YAP1: variants seen among roughly 807,000 people sequenced by gnomAD.
YAP1 encodes Yes1 associated transcriptional regulator.
A neutral mutation model predicts 56.9 loss-of-function variants in YAP1; 5 were observed. The ratio of observed to expected loss-of-function variants is 0.09; its 90% CI spans 0.05 to 0.18. YAP1 has a LOEUF of 0.18. YAP1 is among the 10% of genes least tolerant of loss of function. YAP1 has a pLI of 1.00. For synonymous variants in YAP1, 265 were observed against 248.1 expected (o/e 1.07, Z -0.64); for missense variants, 539 against 651.8 (o/e 0.83, Z 1.88).
intron 4 of YAP1, among the ~76,000 whole-genome samples, chr11:102,201,420 A>G (rs957413816): frequency 6.6e-6 from 1 of 152,236 alleles, no homozygotes. Flanking sequence ...GGTAGGAGGA[A>G]GCGGGTGGGA....
intron 4 of YAP1, among the ~76,000 whole-genome samples, chr11:102,188,769 A>T (rs1198071015): frequency 6.6e-6 from 1 of 152,222 alleles, no homozygotes; most frequent in African/African-American, 2.4e-5. Context: ...CAGAATTGCC[A>T]ATGATCCATT....
intron 4 of YAP1, among the ~76,000 whole-genome samples, chr11:102,204,330 G>A (rs1331397566): frequency 6.6e-6 from 1 of 151,942 alleles, no homozygotes; most frequent in African/African-American, 2.4e-5. Flanking sequence ...CTCAACTTAT[G>A]TAGAAATGGC....
intron 6 of YAP1, among the ~76,000 whole-genome samples, chr11:102,216,112 G>A (rs933010885): frequency 2.6e-5 from 4 of 152,180 alleles, no homozygotes; most frequent in Non-Finnish European, 5.9e-5. Context: ...GATTATGAAG[G>A]AGAATGACCA....
At chr11:102,176,777 GAGT>G (rs1211544914) in intron 3 of YAP1, among the ~76,000 whole-genome samples, 26 of 84,126 alleles carry the variant, frequency 3.1e-4, no homozygotes, top group African/African-American at 1.2e-3. Context: ...AAAAAAAAAA[GAGT>G]AGAATTTCAG....
intron 2 of YAP1, among the ~76,000 whole-genome samples, chr11:102,139,430 G>T (rs760277528): frequency 6.6e-6 from 1 of 152,194 alleles, no homozygotes; most frequent in Non-Finnish European, 1.5e-5. Context: ...CCTGCAGTCT[G>T]TGTGGAGTGA....
chr11:102,224,734 A>G (rs1337900136), intron 7 of YAP1, among the ~76,000 whole-genome samples: 1 of 152,230 alleles, frequency 6.6e-6, no homozygotes, highest in Admixed American at 6.5e-5. Flanking sequence ...ACCATCTAAA[A>G]TGTATTTTAA....
chr11:102,176,214 T>A (rs1374051273), intron 3 of YAP1, among the ~76,000 whole-genome samples: 1 of 152,252 alleles, frequency 6.6e-6, no homozygotes, highest in African/African-American at 2.4e-5. Flanking sequence ...TGCAAAACTG[T>A]ACATTCCCAC....
chr11:102,147,319 T>C (rs1217507929), intron 2 of YAP1, among the ~76,000 whole-genome samples: 1 of 152,206 alleles, frequency 6.6e-6, no homozygotes, highest in Non-Finnish European at 1.5e-5. Context: ...TAGTCATCTT[T>C]AGATGTAAAT....
chr11:102,185,953 C>CCCG (rs1373419014), intron 3 of YAP1, 65 bp from the exon 4 acceptor site: 3 of 1,461,648 alleles, frequency 2.1e-6, no homozygotes, highest in East Asian at 4.9e-5. Context: ...TTAGTACCCC[C>CCCG]TCCCACTTTT....
intron 3 of YAP1, among the ~76,000 whole-genome samples, chr11:102,174,725 G>A (rs943263750): frequency 6.6e-6 from 1 of 152,150 alleles, no homozygotes; most frequent in African/African-American, 2.4e-5. Context: ...TGGTGGCAGT[G>A]CTAAGTCCTA....
At position 102,179,725 on chromosome 11, in the gene YAP1, C is replaced by T. The variant is rs140473796; in HGVS notation, c.689-6293C>T. On this transcript the variant is annotated intron_variant, in intron 3 of 8. Transcript: ENST00000282441. ...TGCATGCTGCTTTATTTTTGCTGCA[C>T]GTATCATTAGCCAACATTGTACTGT... 1.2e-3 allele frequency among the ~76,000 whole-genome samples: 180 copies of T among 152,122 alleles called. 2 individuals are homozygous for T. The South Asian group carries it at 0.014, about 12-fold the overall frequency.
chr11:102,222,378 G>A (rs1336720589), intron 6 of YAP1, among the ~76,000 whole-genome samples: 2 of 152,154 alleles, frequency 1.3e-5, no homozygotes, highest in Non-Finnish European at 2.9e-5. Context: ...TTCTTAGGAG[G>A]GTAAGAAACA....
intron 3 of YAP1, among the ~76,000 whole-genome samples, chr11:102,179,160 G>A (rs956612199): frequency 6.7e-5 from 10 of 149,364 alleles, no homozygotes; most frequent in African/African-American, 7.4e-5. Context: ...CCCTCTTTAC[G>A]TCTCATTAAA....
At chr11:102,190,596 A>G (rs936868735) in intron 4 of YAP1, among the ~76,000 whole-genome samples, 1 of 152,086 alleles carries the variant, frequency 6.6e-6, no homozygotes, top group African/African-American at 2.4e-5. Context: ...ACTCTACTCC[A>G]GCCTGGGCAA....
chr11:102,183,697 T>C (rs894413527), intron 3 of YAP1, among the ~76,000 whole-genome samples: 1 of 143,736 alleles, frequency 7.0e-6, no homozygotes, highest in African/African-American at 2.6e-5. Context: ...GGAATAATGC[T>C]GTTTCTGTGT....
chr11:102,166,251 G>GTACT (rs1235632060), intron 3 of YAP1, among the ~76,000 whole-genome samples: 2 of 152,128 alleles, frequency 1.3e-5, no homozygotes, highest in African/African-American at 4.8e-5. Flanking sequence ...AGTGCTGAGG[G>GTACT]TACTGATAAT....
At chr11:102,175,322 C>T (rs566473427) in intron 3 of YAP1, among the ~76,000 whole-genome samples, 2 of 152,168 alleles carry the variant, frequency 1.3e-5, no homozygotes, top group East Asian at 3.9e-4. Flanking sequence ...ATTGCTTGAA[C>T]CTGGGAGGTG....
At chr11:102,183,700 TTCTG>T (rs1050435393) in intron 3 of YAP1, among the ~76,000 whole-genome samples, 4 of 98,094 alleles carry the variant, frequency 4.1e-5, no homozygotes, top group African/African-American at 1.6e-4. Flanking sequence ...ATAATGCTGT[TTCTG>T]TGTGTGTGTG....
chr11:102,186,437 T>A (rs1297753256), intron 4 of YAP1: 1 of 307,878 alleles, frequency 3.2e-6, no homozygotes, highest in African/African-American at 2.3e-5. Flanking sequence ...TAAAATGTTT[T>A]TTTTTTTTAG....
Sources: gnomAD v4.1 joint callset for allele counts (sites outside exome capture counted in the v4.1 genomes callset) on GRCh38, gnomAD v4.1.1 for gene constraint, MANE v1.5 for transcripts, NCBI Gene and HGNC (gene_info 2026-07-23, HGNC 2026-07-21) for gene names.